The following RIMS1 variants were observed in gnomAD, a reference collection of about 807,000 sequenced individuals.
The protein encoded by RIMS1 is regulating synaptic membrane exocytosis 1.
In RIMS1, 83 loss-of-function variants were observed where a neutral mutation model predicts 214.1. The observed-to-expected ratio is 0.39, with a 90% CI of 0.32 to 0.47. The LOEUF (loss-of-function observed/expected upper bound fraction) is 0.47, where lower values mean the gene tolerates loss of function less well. Ranked by LOEUF, RIMS1 falls within the 20% of genes least tolerant of loss-of-function variation. The probability of loss-of-function intolerance (pLI) is 0.99; values close to 1 mark genes in which losing one functional copy is unlikely to be tolerated. For missense variants in RIMS1, 2,050 were observed against 2,161.8 expected (o/e 0.95, Z 1.03); for synonymous variants, 793 against 786.8 (o/e 1.01, Z -0.13).
Position 72,269,849 on chromosome 6 carries a change from T to C in RIMS1, c.3398+3800T>C, listed in dbSNP as rs975695407. On this transcript the variant is annotated intron_variant, in intron 22 of 33. Coordinates refer to ENST00000521978, the MANE Select transcript of RIMS1 (RefSeq NM_014989.7). ...AATTAAAATATTCTTCTTCCTTTGT[T>C]GTCTGATTAAAAATTCTGCTCACTG... Among the ~76,000 whole-genome samples, 17 of 152,180 alleles carry C rather than the reference T, an allele frequency of 1.1e-4. No individual in the cohort carries two copies. In the South Asian group the frequency reaches 1.2e-3, roughly 11 times the overall value.
chr6:72,165,478 CCT>C (rs1275328388), intron 4 of RIMS1, among the ~76,000 whole-genome samples: 1 of 151,154 alleles, frequency 6.6e-6, no homozygotes. Flanking sequence ...TGTATGTTTC[CCT>C]CTCTCTCTCT....
At chr6:72,049,423 C>T (rs539305) in intron 2 of RIMS1, among the ~76,000 whole-genome samples, 117,812 of 152,096 alleles carry the variant, frequency 0.77, 46,264 homozygotes, top group African/African-American at 0.91. Context: ...CATCTGATTA[C>T]ACTTTATTTC....
At chr6:72,148,896 G>T (rs1364795593) in intron 4 of RIMS1, among the ~76,000 whole-genome samples, 1 of 151,980 alleles carries the variant, frequency 6.6e-6, no homozygotes, top group Admixed American at 6.6e-5. Flanking sequence ...TAAGCAGAGT[G>T]CTAAGGTGAA....
At chr6:72,331,911 C>T (rs1053777297) in intron 28 of RIMS1, among the ~76,000 whole-genome samples, 1 of 151,674 alleles carries the variant, frequency 6.6e-6, no homozygotes, top group Non-Finnish European at 1.5e-5. Context: ...ACAAATTGTC[C>T]TCATCAAGTA....
chr6:71,960,963 T>C (rs1190478798), intron 1 of RIMS1, among the ~76,000 whole-genome samples: 1 of 151,768 alleles, frequency 6.6e-6, no homozygotes, highest in South Asian at 2.1e-4. Flanking sequence ...GCAGAAGACA[T>C]AGTGACCCCA....
chr6:72,050,226 G>T (rs1407682550), intron 2 of RIMS1, among the ~76,000 whole-genome samples: 1 of 152,046 alleles, frequency 6.6e-6, no homozygotes, highest in Non-Finnish European at 1.5e-5. Context: ...ATTTTTTTAA[G>T]AAAATGTTTT....
intron 31 of RIMS1, 85 bp downstream of exon 31, chr6:72,392,895 C>A: frequency 1.1e-6 from 1 of 919,538 alleles, no homozygotes; most frequent in Non-Finnish European, 1.7e-6. Context: ...TGTGTAATAG[C>A]AATACAAGTG....
At chr6:72,295,252 A>T (rs887799054) in intron 26 of RIMS1, among the ~76,000 whole-genome samples, 2 of 151,834 alleles carry the variant, frequency 1.3e-5, no homozygotes, top group African/African-American at 4.8e-5. Flanking sequence ...GATACAAAAC[A>T]AAGAGGTGGA....
chr6:71,955,707 T>C (rs1181338146), intron 1 of RIMS1, among the ~76,000 whole-genome samples: 1 of 152,196 alleles, frequency 6.6e-6, no homozygotes, highest in Non-Finnish European at 1.5e-5. Context: ...ATATTTCCTC[T>C]GAGTCTAGGA....
intron 24 of RIMS1, among the ~76,000 whole-genome samples, chr6:72,288,222 T>TAATAA (rs774994151): frequency 5.9e-5 from 9 of 152,060 alleles, no homozygotes; most frequent in Middle Eastern, 3.4e-3. Flanking sequence ...CCCTCAGTCA[T>TAATAA]AATAAAATAA....
intron 6 of RIMS1, among the ~76,000 whole-genome samples, chr6:72,183,389 A>G (rs2048624879): frequency 6.6e-6 from 1 of 152,230 alleles, no homozygotes; most frequent in Admixed American, 6.5e-5. Context: ...GTGATTTTGC[A>G]TTCTGTCATT....
At chr6:72,010,440 C>T (rs1809984184) in intron 2 of RIMS1, among the ~76,000 whole-genome samples, 1 of 152,220 alleles carries the variant, frequency 6.6e-6, no homozygotes, top group Non-Finnish European at 1.5e-5. Flanking sequence ...TGCCCTCTCT[C>T]ACAGCTCCTA....
At chr6:71,944,120 TA>T (rs1244566905) in intron 1 of RIMS1, among the ~76,000 whole-genome samples, 1 of 152,218 alleles carries the variant, frequency 6.6e-6, no homozygotes, top group Non-Finnish European at 1.5e-5. Context: ...CTTGGTAAAA[TA>T]CTATTATGGT....
intron 29 of RIMS1, among the ~76,000 whole-genome samples, chr6:72,362,563 C>T (rs768346021): frequency 1.3e-5 from 2 of 152,030 alleles, no homozygotes; most frequent in Non-Finnish European, 2.9e-5. Flanking sequence ...TAAAAAAAAG[C>T]AAACTGCATC....
In RIMS1 at chr6:72,076,029, T is replaced by G. The variant is rs144604488; in HGVS notation, c.246-20920T>G. Among the ~76,000 whole-genome samples, 1,374 of 152,308 alleles carry G rather than the reference T, an allele frequency of 9.0e-3. 16 individuals are homozygous for G. The highest frequency in any genetic ancestry group is 0.031 in the African/African-American group (1,306 of 41,578). The stretch of plus-strand genomic sequence containing the variant: ...GTAATTATATGTAAACTACATTTAT[T>G]GTAAATATTAACTGGCAAGCTTTAA... On this transcript the variant is annotated intron_variant, in intron 2 of 33. Transcript: ENST00000521978.
intron 1 of RIMS1, among the ~76,000 whole-genome samples, chr6:71,906,248 G>A (rs919889261): frequency 1.3e-5 from 2 of 152,206 alleles, no homozygotes. Context: ...GCCTTGTTTG[G>A]ACTTCACTTC....
At chr6:72,066,497 A>G (rs1157624387) in intron 2 of RIMS1, among the ~76,000 whole-genome samples, 2 of 152,188 alleles carry the variant, frequency 1.3e-5, no homozygotes, top group Non-Finnish European at 2.9e-5. Context: ...CAACCCAAAT[A>G]TTAGTCCACC....
At chr6:72,310,239 T>C (rs2095441556) in intron 27 of RIMS1, among the ~76,000 whole-genome samples, 1 of 152,112 alleles carries the variant, frequency 6.6e-6, no homozygotes, top group South Asian at 2.1e-4. Context: ...GGCAAAACAT[T>C]GTCAGACAAC....
intron 29 of RIMS1, among the ~76,000 whole-genome samples, chr6:72,340,798 A>G (rs925730494): frequency 1.2e-4 from 18 of 152,174 alleles, no homozygotes; most frequent in South Asian, 4.1e-4. Flanking sequence ...ACTTTAAAGT[A>G]GTTTTTTCCA....
Sources: gnomAD v4.1 joint callset for allele counts (sites outside exome capture counted in the v4.1 genomes callset) on GRCh38, gnomAD v4.1.1 for gene constraint, MANE v1.5 for transcripts, NCBI Gene and HGNC (gene_info 2026-07-23, HGNC 2026-07-21) for gene names.